SUGCT: variants seen among roughly 807,000 people sequenced by gnomAD.
SUGCT encodes the protein succinyl-CoA:glutarate CoA-transferase.
In SUGCT, 41 loss-of-function variants were observed where a neutral mutation model predicts 55.0. The ratio of observed to expected loss-of-function variants is 0.74; its 90% confidence interval spans 0.58 to 0.97. The LOEUF (loss-of-function observed/expected upper bound fraction) is 0.97. Among genes scored for constraint, SUGCT ranks in the 50% least tolerant of loss-of-function variants. SUGCT has a pLI of 0.00. For missense variants in SUGCT, 568 were observed against 547.8 expected (o/e 1.04, Z -0.37); for synonymous variants, 187 against 200.4 (o/e 0.93, Z 0.56).
chr7:41,001,535 A>G, the SUGCT span, among the ~76,000 whole-genome samples: 3 of 152,348 alleles, frequency 2.0e-5, no homozygotes, highest in East Asian at 3.9e-4. Flanking sequence ...ATGGTGGCTT[A>G]TAAACAGTAG....
At chr7:40,261,896 A>G (rs1370119929) in intron 7 of SUGCT, among the ~76,000 whole-genome samples, 5 of 152,242 alleles carry the variant, frequency 3.3e-5, no homozygotes, top group Non-Finnish European at 5.9e-5. Context: ...TTTTTCTTGA[A>G]GAGCAGCATG....
intron 7 of SUGCT, among the ~76,000 whole-genome samples, chr7:40,257,395 T>C (rs2150952381): frequency 6.6e-6 from 1 of 152,202 alleles, no homozygotes; most frequent in South Asian, 2.1e-4. Context: ...ATGGCACTGG[T>C]ACGCTGGAAT....
At chr7:40,800,073 A>G (rs544208796) in intron 13 of SUGCT, among the ~76,000 whole-genome samples, 1 of 152,300 alleles carries the variant, frequency 6.6e-6, no homozygotes, top group South Asian at 2.1e-4. Context: ...CTGACATTCA[A>G]AAGTCATTGT....
chr7:40,767,385 A>G (rs762229056), intron 13 of SUGCT, among the ~76,000 whole-genome samples: 2 of 152,144 alleles, frequency 1.3e-5, no homozygotes, highest in African/African-American at 2.4e-5. Flanking sequence ...ACATTCCCAA[A>G]CCTATCTGAA....
the SUGCT span, among the ~76,000 whole-genome samples, chr7:41,013,017 AATATATATAT>A: frequency 0.065 from 9,567 of 147,790 alleles, 500 homozygotes; most frequent in South Asian, 0.19. Context: ...CTCTGATTTA[AATATATATAT>A]ATATATATAT....
intron 7 of SUGCT, among the ~76,000 whole-genome samples, chr7:40,245,759 G>A (rs1206474738): frequency 6.6e-6 from 1 of 151,868 alleles, no homozygotes; most frequent in African/African-American, 2.4e-5. Flanking sequence ...TATTTATGGG[G>A]CATGTAAGAT....
At chr7:40,354,884 C>T (rs1487500771) in intron 9 of SUGCT, among the ~76,000 whole-genome samples, 23 of 152,158 alleles carry the variant, frequency 1.5e-4, no homozygotes, top group Non-Finnish European at 1.2e-4. Flanking sequence ...TTTCAGTCTA[C>T]ACATTATTAT....
intron 9 of SUGCT, among the ~76,000 whole-genome samples, chr7:40,417,687 T>G (rs868192624): frequency 6.8e-6 from 1 of 147,504 alleles, no homozygotes; most frequent in Non-Finnish European, 1.5e-5. Context: ...TATAATTATA[T>G]TTATGTATTT....
chr7:40,878,516 G>C, the SUGCT span, among the ~76,000 whole-genome samples: 4 of 152,192 alleles, frequency 2.6e-5, no homozygotes, highest in African/African-American at 9.6e-5. Context: ...CTACATTTTG[G>C]AGTGCTTTGC....
At chr7:40,527,190 T>C (rs1793845631) in intron 12 of SUGCT, among the ~76,000 whole-genome samples, 1 of 152,226 alleles carries the variant, frequency 6.6e-6, no homozygotes, top group Non-Finnish European at 1.5e-5. Flanking sequence ...AGGTTCTGTG[T>C]GATCATCTAA....
intron 9 of SUGCT, among the ~76,000 whole-genome samples, chr7:40,441,999 C>T (rs377663259): frequency 1.7e-4 from 26 of 151,956 alleles, no homozygotes; most frequent in South Asian, 6.2e-4. Flanking sequence ...TTAAGTCATT[C>T]GCCAGAATGT....
At position 40,449,082 on chromosome 7, in the gene SUGCT, T is replaced by G. The variant is rs531026449; in HGVS notation, c.817-205T>G. ...TAGCCACATGTGGCTATTGACTGTTTGACATTTAGTTAGTGTGTATATATA... is the reference window on the plus strand; with the variant it reads ...TAGCCACATGTGGCTATTGACTGTTGGACATTTAGTTAGTGTGTATATATA... On this transcript the variant is annotated intron_variant, in intron 9 of 13. Transcript: ENST00000335693. Among the ~76,000 whole-genome samples the G allele has an allele frequency of 3.3e-5, 5 of 152,172 alleles. No homozygotes were observed. The East Asian group carries it at 9.7e-4, about 30-fold the overall frequency.
Position 40,241,141 on chromosome 7 carries a change from A to G in SUGCT, c.576+3415A>G, listed in dbSNP as rs187923240. Among the ~76,000 whole-genome samples the G allele has an allele frequency of 1.4e-4, 22 of 152,314 alleles. No individual in the cohort carries two copies. The East Asian group carries it at 4.0e-3, about 28-fold the overall frequency. On this transcript the variant is annotated intron_variant, in intron 7 of 13. Transcript: ENST00000335693. ...ATTATATGCAAATATATTTTTAGTG[A>G]TAATCTCATATATTTCTCTCTTGAA...
At chr7:40,251,321 G>C (rs968866737) in intron 7 of SUGCT, among the ~76,000 whole-genome samples, 1 of 152,116 alleles carries the variant, frequency 6.6e-6, no homozygotes, top group Non-Finnish European at 1.5e-5. Context: ...TACTTAGTAA[G>C]TGCTGTCAGG....
At chr7:40,900,444 A>G in the SUGCT span, among the ~76,000 whole-genome samples, 1 of 152,238 alleles carries the variant, frequency 6.6e-6, no homozygotes, top group Non-Finnish European at 1.5e-5. Flanking sequence ...CATAAAACAC[A>G]TAGTCATTCA....
At chr7:40,544,797 C>T (rs1794901202) in intron 12 of SUGCT, among the ~76,000 whole-genome samples, 1 of 152,144 alleles carries the variant, frequency 6.6e-6, no homozygotes, top group Non-Finnish European at 1.5e-5. Flanking sequence ...AAAATAGCTG[C>T]AGAGTGCTCA....
intron 13 of SUGCT, among the ~76,000 whole-genome samples, chr7:40,821,793 C>A (rs1792034143): frequency 6.6e-6 from 1 of 152,116 alleles, no homozygotes; most frequent in Admixed American, 6.5e-5. Context: ...TTAGTTACTT[C>A]TTGCCTTCTG....
At chr7:40,946,112 T>G in the SUGCT span, among the ~76,000 whole-genome samples, 1 of 151,988 alleles carries the variant, frequency 6.6e-6, no homozygotes, top group Non-Finnish European at 1.5e-5. Context: ...ACAAGTTTTT[T>G]TTTTTTTTTC....
chr7:40,410,753 T>A (rs952432503), intron 9 of SUGCT, among the ~76,000 whole-genome samples: 1 of 152,212 alleles, frequency 6.6e-6, no homozygotes, highest in Non-Finnish European at 1.5e-5. Context: ...TACAAGTGAA[T>A]GAAAATTTGT....
Sources: gnomAD v4.1 joint callset for allele counts (sites outside exome capture counted in the v4.1 genomes callset) on GRCh38, gnomAD v4.1.1 for gene constraint, MANE v1.5 for transcripts, NCBI Gene and HGNC (gene_info 2026-07-23, HGNC 2026-07-21) for gene names.